The following ARHGAP32 variants were observed in gnomAD, a reference collection of about 807,000 sequenced individuals.
The protein encoded by ARHGAP32 is Rho GTPase activating protein 32.
ARHGAP32 carries 51 observed loss-of-function variants against 186.5 expected under a neutral mutation model. That is an observed-to-expected ratio of 0.27 (90% confidence interval 0.22 to 0.35). The LOEUF (loss-of-function observed/expected upper bound fraction) is 0.35. ARHGAP32 is among the 10% of genes least tolerant of loss of function. ARHGAP32 has a pLI of 1.00. For missense variants in ARHGAP32, 2,186 were observed against 2,623.5 expected (o/e 0.83, Z 3.64); for synonymous variants, 950 against 964.3 (o/e 0.99, Z 0.27).
chr11:129,126,612 AAG>A (rs1942667744), intron 2 of ARHGAP32, among the ~76,000 whole-genome samples: 1 of 152,234 alleles, frequency 6.6e-6, no homozygotes, highest in Admixed American at 6.5e-5. Flanking sequence ...GGTGGGTACA[AAG>A]AGACAACAGC....
chr11:129,060,418 TA>T (rs1176075139), intron 10 of ARHGAP32, among the ~76,000 whole-genome samples: 1 of 151,946 alleles, frequency 6.6e-6, no homozygotes, highest in African/African-American at 2.4e-5. Flanking sequence ...AGAAGAAAGT[TA>T]GTAGTAACAT....
chr11:129,003,953 A>C (rs1937633508), intron 11 of ARHGAP32, among the ~76,000 whole-genome samples: 1 of 151,898 alleles, frequency 6.6e-6, no homozygotes, highest in South Asian at 2.1e-4. Context: ...TAATTCTTTA[A>C]AATACATTGC....
intron 1 of ARHGAP32, among the ~76,000 whole-genome samples, chr11:129,249,282 T>C (rs1945146093): frequency 6.6e-6 from 1 of 152,260 alleles, no homozygotes. Flanking sequence ...ACTCTTTATA[T>C]ACATACAGTA....
At chr11:129,104,046 T>C (rs928550035) in intron 5 of ARHGAP32, among the ~76,000 whole-genome samples, 4 of 152,056 alleles carry the variant, frequency 2.6e-5, no homozygotes, top group African/African-American at 9.7e-5. Flanking sequence ...TTTTAAGTTC[T>C]GAGAAAAGAG....
chr11:129,184,326 A>T (rs1944113217), intron 1 of ARHGAP32, among the ~76,000 whole-genome samples: 1 of 152,134 alleles, frequency 6.6e-6, no homozygotes, highest in African/African-American at 2.4e-5. Flanking sequence ...TTAGCAGCTA[A>T]AAGATAGGTT....
At chr11:129,196,929 T>C (rs981654742), upstream of ARHGAP32, among the ~76,000 whole-genome samples, 1 of 151,996 alleles carries the variant, frequency 6.6e-6, no homozygotes, top group African/African-American at 2.4e-5. Flanking sequence ...TGGTGATGCA[T>C]GCATGTAATC....
intron 10 of ARHGAP32, among the ~76,000 whole-genome samples, chr11:129,047,720 T>TAA (rs1939871946): frequency 6.6e-6 from 1 of 152,198 alleles, no homozygotes; most frequent in Non-Finnish European, 1.5e-5. Context: ...GAAACATGCT[T>TAA]AAAGAACCTA....
rs765066651 is a variant in ARHGAP32, at chr11:129,123,550, T to A, written c.360-20A>T. ...GGTAACCTGAAACACATGAAATAAA[T>A]AAGAAACGAGATAGTGAAACAGTAA... On this transcript the variant is annotated intron_variant, in intron 4 of 22. Transcript: ENST00000682385. The surrounding 1 kb of genome is among the most constrained non-coding windows in gnomAD (Gnocchi z 4.6). 2.8e-5 allele frequency: 45 copies of A among 1,597,298 alleles called. No individual in the cohort carries two copies. The highest frequency in any genetic ancestry group is 3.6e-5 in the Non-Finnish European group (42 of 1,166,312).
intron 1 of ARHGAP32, among the ~76,000 whole-genome samples, chr11:129,270,714 G>A (rs182822104): frequency 3.1e-3 from 469 of 151,246 alleles, no homozygotes; most frequent in Non-Finnish European, 4.8e-3. Context: ...TGCTGTGAAC[G>A]TAAAAATAGT....
At chr11:129,199,167 G>C (rs779026558) in intron 1 of ARHGAP32, among the ~76,000 whole-genome samples, 1 of 152,148 alleles carries the variant, frequency 6.6e-6, no homozygotes, top group Non-Finnish European at 1.5e-5. Context: ...AGTTTTATAA[G>C]GGAAACAGAG....
At chr11:129,193,853 GA>G (rs1944354490), upstream of ARHGAP32, among the ~76,000 whole-genome samples, 12 of 143,894 alleles carry the variant, frequency 8.3e-5, no homozygotes, top group South Asian at 2.4e-3. Context: ...AACAAGTTGA[GA>G]AAAAAATATT....
At chr11:129,059,599 AAG>A (rs1380160141) in intron 10 of ARHGAP32, among the ~76,000 whole-genome samples, 1 of 147,514 alleles carries the variant, frequency 6.8e-6, no homozygotes, top group African/African-American at 2.5e-5. Context: ...TCCCGGGTTC[AAG>A]AGATTCTCCT....
At chr11:129,212,623 G>T (rs1944595060) in intron 1 of ARHGAP32, among the ~76,000 whole-genome samples, 1 of 152,016 alleles carries the variant, frequency 6.6e-6, no homozygotes, top group Admixed American at 6.6e-5. Flanking sequence ...TACCACAGTT[G>T]GCAGAATGTT....
At chr11:129,262,433 T>C (rs960519197) in intron 1 of ARHGAP32, among the ~76,000 whole-genome samples, 10 of 152,028 alleles carry the variant, frequency 6.6e-5, no homozygotes, top group African/African-American at 2.2e-4. Flanking sequence ...GCTCAGACTA[T>C]AGTGCAGTGG....
At chr11:129,143,659 T>A (rs1565442794) in intron 2 of ARHGAP32, among the ~76,000 whole-genome samples, 3 of 116,420 alleles carry the variant, frequency 2.6e-5, no homozygotes, top group African/African-American at 2.9e-5. Context: ...AACATGGATA[T>A]GACAAAGAGG....
chr11:129,022,060 A>G (rs1938618637), intron 11 of ARHGAP32, among the ~76,000 whole-genome samples: 1 of 152,102 alleles, frequency 6.6e-6, no homozygotes, highest in Non-Finnish European at 1.5e-5. Context: ...CTTGATAAGA[A>G]GCTTAAAAGC....
At chr11:129,258,344 C>A (rs1232594224) in intron 1 of ARHGAP32, among the ~76,000 whole-genome samples, 1 of 152,184 alleles carries the variant, frequency 6.6e-6, no homozygotes, top group African/African-American at 2.4e-5. Context: ...AAGATTGTCT[C>A]CTCCATCAGG....
At chr11:129,065,157 T>C (rs1210656580) in intron 7 of ARHGAP32, among the ~76,000 whole-genome samples, 1 of 152,148 alleles carries the variant, frequency 6.6e-6, no homozygotes, top group Admixed American at 6.6e-5. Flanking sequence ...TCATCAGCGA[T>C]CATACTATTC....
chr11:129,163,798 T>C (rs1943577501), intron 2 of ARHGAP32, among the ~76,000 whole-genome samples: 1 of 152,224 alleles, frequency 6.6e-6, no homozygotes, highest in South Asian at 2.1e-4. Context: ...TCACTAAGCA[T>C]AAAAAGCAAA....
Sources: allele counts gnomAD v4.1 joint callset (sites outside exome capture counted in the v4.1 genomes callset), GRCh38; gene constraint gnomAD v4.1.1; non-coding constraint Gnocchi (gnomAD v3.1); transcripts MANE v1.5; gene names NCBI Gene and HGNC (gene_info 2026-07-23, HGNC 2026-07-21).